L3MBTL4: variants seen among roughly 807,000 people sequenced by gnomAD.
L3MBTL4 encodes the protein L3MBTL histone methyl-lysine binding protein 4.
A neutral mutation model predicts 84.5 loss-of-function variants in L3MBTL4; 70 were observed. The ratio of observed to expected loss-of-function variants is 0.83; its 90% CI spans 0.68 to 1.01. The LOEUF (loss-of-function observed/expected upper bound fraction) is 1.01, where lower values mean the gene tolerates loss of function less well. L3MBTL4 is among the 50% of genes least tolerant of loss of function. L3MBTL4 has a pLI of 0.00. For missense variants in L3MBTL4, 715 were observed against 754.8 expected (o/e 0.95, Z 0.62); for synonymous variants, 274 against 259.8 (o/e 1.05, Z -0.52).
chr18:6,149,160 T>G (rs2042779450), intron 13 of L3MBTL4, among the ~76,000 whole-genome samples: 1 of 151,232 alleles, frequency 6.6e-6, no homozygotes, highest in Non-Finnish European at 1.5e-5. Flanking sequence ...AACTCGTCAT[T>G]TAGCATTAGG....
chr18:6,075,498 G>A (rs148259981), intron 16 of L3MBTL4, among the ~76,000 whole-genome samples: 7 of 152,114 alleles, frequency 4.6e-5, no homozygotes, highest in African/African-American at 1.2e-4. Flanking sequence ...GTAAATCTTC[G>A]CCTCTATGTT....
chr18:6,287,314 A>G (rs970250546), intron 4 of L3MBTL4, among the ~76,000 whole-genome samples: 2 of 152,150 alleles, frequency 1.3e-5, no homozygotes, highest in African/African-American at 4.8e-5. Context: ...TCACACCTCA[A>G]TTGATACACG....
intron 16 of L3MBTL4, among the ~76,000 whole-genome samples, chr18:6,039,587 A>C (rs75494747): frequency 6.6e-6 from 1 of 152,118 alleles, no homozygotes; most frequent in Non-Finnish European, 1.5e-5. Flanking sequence ...GTTGACTGAT[A>C]TTTTAAAAAT....
intron 4 of L3MBTL4, among the ~76,000 whole-genome samples, chr18:6,280,633 A>T (rs566567843): frequency 6.6e-6 from 1 of 152,300 alleles, no homozygotes; most frequent in East Asian, 1.9e-4. Context: ...CTGTGAATTC[A>T]TTATCTGACA....
At chr18:6,181,271 A>G (rs768250889) in intron 12 of L3MBTL4, among the ~76,000 whole-genome samples, 3 of 151,914 alleles carry the variant, frequency 2.0e-5, no homozygotes, top group Non-Finnish European at 4.4e-5. Flanking sequence ...TTTGGTATGC[A>G]GATTATTTTG....
intron 12 of L3MBTL4, among the ~76,000 whole-genome samples, chr18:6,212,008 T>A (rs747451327): frequency 3.9e-5 from 6 of 152,194 alleles, no homozygotes; most frequent in Non-Finnish European, 5.9e-5. Flanking sequence ...AATTATGATA[T>A]GCAAAAGTCA....
At chr18:6,028,048 C>A (rs1232557571) in intron 16 of L3MBTL4, among the ~76,000 whole-genome samples, 2 of 152,124 alleles carry the variant, frequency 1.3e-5, no homozygotes, top group Non-Finnish European at 2.9e-5. Context: ...TGACTAGATC[C>A]CATTTGTCAA....
At chr18:6,398,010 A>G (rs1206511093) in intron 1 of L3MBTL4, 1 of 151,994 alleles carries the variant, frequency 6.6e-6, no homozygotes, top group Non-Finnish European at 1.5e-5. Context: ...TCCCTCTTAC[A>G]TTTTTGTTGT....
At chr18:5,981,818 T>A (rs1005936698) in intron 16 of L3MBTL4, among the ~76,000 whole-genome samples, 15 of 152,064 alleles carry the variant, frequency 9.9e-5, no homozygotes, top group African/African-American at 3.6e-4. Flanking sequence ...AATTTTTTTT[T>A]TAAAAATAAA....
chr18:6,152,141 A>G (rs1390197099), intron 13 of L3MBTL4, among the ~76,000 whole-genome samples: 2 of 152,156 alleles, frequency 1.3e-5, no homozygotes, highest in Admixed American at 6.5e-5. Flanking sequence ...CTGATGGGCA[A>G]TTAGGTAGAT....
At chr18:6,106,547 A>G (rs1282702671) in intron 14 of L3MBTL4, among the ~76,000 whole-genome samples, 1 of 152,240 alleles carries the variant, frequency 6.6e-6, no homozygotes, top group Non-Finnish European at 1.5e-5. Context: ...AGAACTGGCC[A>G]TCTGGATAAT....
At chr18:6,216,096 C>A (rs997920467) in intron 10 of L3MBTL4, among the ~76,000 whole-genome samples, 2 of 152,110 alleles carry the variant, frequency 1.3e-5, no homozygotes, top group Non-Finnish European at 2.9e-5. Context: ...GGTCAAAGGC[C>A]ATGTGAGTAC....
At chr18:6,409,382 G>T (rs1369803815) in intron 1 of L3MBTL4, among the ~76,000 whole-genome samples, 1 of 152,178 alleles carries the variant, frequency 6.6e-6, no homozygotes, top group Non-Finnish European at 1.5e-5. Flanking sequence ...TGAAAATTAA[G>T]CAATGGCTCA....
At chr18:6,193,186 C>T (rs1418966976) in intron 12 of L3MBTL4, among the ~76,000 whole-genome samples, 1 of 151,788 alleles carries the variant, frequency 6.6e-6, no homozygotes, top group Admixed American at 6.6e-5. Flanking sequence ...GGGCAAGGGA[C>T]TGAGAAAGCA....
chr18:6,043,179 C>T (rs562955628), intron 16 of L3MBTL4, among the ~76,000 whole-genome samples: 1 of 152,284 alleles, frequency 6.6e-6, no homozygotes, highest in Non-Finnish European at 1.5e-5. Flanking sequence ...TTACCTCCAT[C>T]CTAGGACACT....
intron 3 of L3MBTL4, among the ~76,000 whole-genome samples, chr18:6,305,938 C>T (rs2050567561): frequency 6.6e-6 from 1 of 152,200 alleles, no homozygotes; most frequent in Non-Finnish European, 1.5e-5. Flanking sequence ...TGATTCATCA[C>T]CTTGGAACTG....
At chr18:6,099,339 A>T (rs2058736430) in intron 14 of L3MBTL4, among the ~76,000 whole-genome samples, 1 of 151,872 alleles carries the variant, frequency 6.6e-6, no homozygotes, top group South Asian at 2.1e-4. Flanking sequence ...ACCAAAATGC[A>T]GATTATTGAA....
At position 6,200,071 on chromosome 18, in the gene L3MBTL4, AG is replaced by A. The variant is rs573713355; in HGVS notation, c.981+13077del. ...GTGACAACAAGGAGTGGTAAAGAAG[AG>A]GGGTTAAGGGATATATTCACAGAGG... On this transcript the variant is annotated intron_variant, in intron 12 of 18. Coordinates refer to ENST00000317931, the MANE Select transcript of L3MBTL4 (RefSeq NM_001330559.2). 1.4e-3 allele frequency among the ~76,000 whole-genome samples: 207 copies of A among 152,234 alleles called. 1 individual carries two copies. Among genetic ancestry groups the A allele is most frequent in the African/African-American group, 4.7e-3 (196 of 41,554 alleles).
chr18:6,302,046 G>A, intron 3 of L3MBTL4, 89 bp from the exon 4 acceptor site: 1 of 1,087,250 alleles, frequency 9.2e-7, no homozygotes, highest in African/African-American at 1.5e-5. Context: ...AGGAAGGAAA[G>A]TTATGAAGAT....
Sources: allele counts gnomAD v4.1 joint callset (sites outside exome capture counted in the v4.1 genomes callset), GRCh38; gene constraint gnomAD v4.1.1; transcripts MANE v1.5; gene names NCBI Gene and HGNC (gene_info 2026-07-23, HGNC 2026-07-21).